FAM107B: variants seen among roughly 807,000 people sequenced by gnomAD.
FAM107B encodes protein FAM107B.
A neutral mutation model predicts 31.5 loss-of-function variants in FAM107B; 21 were observed. The ratio of observed to expected loss-of-function variants is 0.67; its 90% CI spans 0.47 to 0.96. FAM107B has a LOEUF of 0.96. FAM107B is among the 40% of genes least tolerant of loss of function. The probability of loss-of-function intolerance (pLI) is 0.00; values close to 1 mark genes in which losing one functional copy is unlikely to be tolerated. For synonymous variants in FAM107B, 157 were observed against 141.5 expected, an observed-to-expected ratio of 1.11 and a Z score of -0.78; for missense variants, 452 against 377.1, an observed-to-expected ratio of 1.20 and a Z score of -1.64.
intron 1 of FAM107B, among the ~76,000 whole-genome samples, chr10:14,695,575 G>A (rs962556675): frequency 1.2e-4 from 18 of 152,080 alleles, no homozygotes; most frequent in African/African-American, 4.3e-4. Flanking sequence ...ATGTTCCTTT[G>A]GGTAGTAGGG....
chr10:14,583,968 G>A lies in FAM107B; in HGVS notation c.470-53453C>T, dbSNP rs558376163. ...TTCATGGCAAGTCTTAGGAAAGAGG[G>A]TTTTGAGTTCAGGAAGTGTGGGACT... On this transcript the variant is annotated intron_variant, in intron 2 of 4. Transcript: ENST00000181796. 2.6e-5 allele frequency among the ~76,000 whole-genome samples: 4 copies of A among 152,328 alleles called. No individual in the cohort carries two copies. In the South Asian group the frequency reaches 8.3e-4, roughly 32 times the overall value.
intron 2 of FAM107B, among the ~76,000 whole-genome samples, chr10:14,560,725 G>C (rs11259185): frequency 0.12 from 18,091 of 152,158 alleles, 1,195 homozygotes; most frequent in Non-Finnish European, 0.16. Flanking sequence ...TAAATGTCTG[G>C]TGCACCAGTT....
chr10:14,593,164 T>C, intron 2 of FAM107B, among the ~76,000 whole-genome samples: 1 of 152,278 alleles, frequency 6.6e-6, no homozygotes, highest in African/African-American at 2.4e-5. Flanking sequence ...TAATTCTTAA[T>C]TTTTATTCTT....
At chr10:14,608,072 C>T (rs1852637797) in intron 2 of FAM107B, among the ~76,000 whole-genome samples, 1 of 152,076 alleles carries the variant, frequency 6.6e-6, no homozygotes, top group Admixed American at 6.6e-5. Flanking sequence ...AGACGTGTTG[C>T]TTTTTTATTG....
rs143290495 is a variant in FAM107B at position 14,774,256 on chromosome 10, G to A, written c.408C>T (p.Pro136=). ...CGCAGAGCGAACACTCACTCACCTT[G>A]GGCGTGTCAATAATTGATGGTCTGG... ...SIPRPSIIDT[P]KEEEFREEPK... is the part of the protein sequence containing the mutation. The change falls in exon 1 of 5, where the codon CCC becomes CCT. Residue 136 remains proline, a synonymous_variant. Coordinates refer to ENST00000181796, the MANE Select transcript of FAM107B (RefSeq NM_031453.4). 1.4e-5 allele frequency: 22 copies of A among 1,607,264 alleles called. No homozygotes were observed. In the African/African-American group the frequency reaches 2.7e-4, roughly 20 times the overall value.
At chr10:14,551,428 C>T (rs543273139) in intron 2 of FAM107B, among the ~76,000 whole-genome samples, 14 of 152,132 alleles carry the variant, frequency 9.2e-5, no homozygotes, top group South Asian at 4.1e-4. Context: ...TACAGGTGTG[C>T]GCCACCTCAC....
In FAM107B at chr10:14,774,361, G is replaced by A. The variant is rs1269554749; in HGVS notation, c.303C>T (p.Pro101=). 25 of 1,614,056 alleles carry A rather than the reference G, an allele frequency of 1.5e-5. No individual in the cohort carries two copies. The highest frequency in any genetic ancestry group is 2.1e-5 in the Non-Finnish European group (25 of 1,180,034). The change falls in exon 1 of 5, where the codon CCC becomes CCT. Residue 101 remains proline (P), a synonymous_variant. Coordinates refer to ENST00000181796, the MANE Select transcript of FAM107B (RefSeq NM_031453.4). Reference sequence around the variant, plus strand: ...CGGGCACATCTTCAGGCGTCTCCGCGGGCTGGGCCGCAGTGCGGTGACTTG... The same window carrying A: ...CGGGCACATCTTCAGGCGTCTCCGCAGGCTGGGCCGCAGTGCGGTGACTTG... ...RNSSHRTAAQ[P]AETPEDVPGS...
chr10:14,701,545 A>G (rs893202961), intron 1 of FAM107B, among the ~76,000 whole-genome samples: 1 of 152,070 alleles, frequency 6.6e-6, no homozygotes, highest in African/African-American at 2.4e-5. Flanking sequence ...ATGCCTGGCC[A>G]AAAACCTTCA....
rs118020823 is a variant in FAM107B, at chr10:14,650,632, G to A, written c.469+17002C>T. 4.9e-3 allele frequency among the ~76,000 whole-genome samples: 743 copies of A among 152,290 alleles called. 3 individuals carry two copies. The highest frequency in any genetic ancestry group is 9.1e-3 in the Admixed American group (139 of 15,302). On this transcript the variant is annotated intron_variant, in intron 2 of 4. Transcript: ENST00000181796. The stretch of plus-strand genomic sequence containing the variant: ...AACAAATACTTATTGCTTACGTATT[G>A]TGCTACGTATTGAGCATTCTGGTTT...
intron 2 of FAM107B, among the ~76,000 whole-genome samples, chr10:14,650,816 A>T (rs1853879556): frequency 6.6e-6 from 1 of 152,226 alleles, no homozygotes; most frequent in Non-Finnish European, 1.5e-5. Flanking sequence ...GTATATGCTC[A>T]TAGTAAAAGT....
intron 1 of FAM107B, among the ~76,000 whole-genome samples, chr10:14,685,858 A>G (rs1236466003): frequency 1.3e-5 from 2 of 152,210 alleles, no homozygotes; most frequent in African/African-American, 2.4e-5. Flanking sequence ...TCACAGTTCT[A>G]CATGGCTGGG....
chr10:14,677,500 A>G (rs1854714250), intron 1 of FAM107B, among the ~76,000 whole-genome samples: 1 of 152,172 alleles, frequency 6.6e-6, no homozygotes, highest in South Asian at 2.1e-4. Context: ...GGGCGCCTGT[A>G]GTCCCAGCTA....
At chr10:14,586,667 C>T (rs1247502223) in intron 2 of FAM107B, among the ~76,000 whole-genome samples, 1 of 152,180 alleles carries the variant, frequency 6.6e-6, no homozygotes, top group South Asian at 2.1e-4. Flanking sequence ...CATCTTTGAT[C>T]TTGGAGTTCC....
intron 2 of FAM107B, among the ~76,000 whole-genome samples, chr10:14,647,299 A>G (rs576815534): frequency 6.6e-6 from 1 of 152,360 alleles, no homozygotes; most frequent in South Asian, 2.1e-4. Context: ...GCTGTCATTC[A>G]TCACCACAGT....
At chr10:14,655,390 CT>C (rs1224256913) in intron 2 of FAM107B, among the ~76,000 whole-genome samples, 1 of 152,064 alleles carries the variant, frequency 6.6e-6, no homozygotes, top group African/African-American at 2.4e-5. Flanking sequence ...GTTTTCTTTT[CT>C]TTTTTTTCTA....
intron 1 of FAM107B, among the ~76,000 whole-genome samples, chr10:14,698,518 T>C (rs1855320150): frequency 6.6e-6 from 1 of 152,258 alleles, no homozygotes; most frequent in Admixed American, 6.5e-5. Flanking sequence ...CATCATTTGA[T>C]GATCACATTT....
chr10:14,703,034 C>A (rs545718794), intron 1 of FAM107B, among the ~76,000 whole-genome samples: 1 of 145,222 alleles, frequency 6.9e-6, no homozygotes, highest in Non-Finnish European at 1.6e-5. Context: ...TCTATTCCCC[C>A]ACCCATTCAT....
chr10:14,548,745 A>C, intron 2 of FAM107B: 3 of 761,616 alleles, frequency 3.9e-6, no homozygotes, highest in Non-Finnish European at 4.8e-6. Context: ...AAAAATGCAA[A>C]TTGGCATCCA....
chr10:14,576,209 G>A (rs943999660), intron 2 of FAM107B, among the ~76,000 whole-genome samples: 2 of 152,196 alleles, frequency 1.3e-5, no homozygotes, highest in African/African-American at 4.8e-5. Flanking sequence ...ACCTCGTTGT[G>A]TATATTTCAC....
Sources: allele counts gnomAD v4.1 joint callset (sites outside exome capture counted in the v4.1 genomes callset), GRCh38; gene constraint gnomAD v4.1.1; transcripts MANE v1.5; gene names NCBI Gene and HGNC (gene_info 2026-07-23, HGNC 2026-07-21).